The following KCNN2 variants were observed in gnomAD, a reference collection of about 807,000 sequenced individuals.
The protein encoded by KCNN2 is small conductance calcium-activated potassium channel protein 2.
A neutral mutation model predicts 55.5 loss-of-function variants in KCNN2; 24 were observed. That is an observed-to-expected ratio of 0.43 (90% CI 0.31 to 0.61). KCNN2 has a LOEUF of 0.61. Among genes scored for constraint, KCNN2 ranks in the 20% least tolerant of loss-of-function variants. The pLI, the probability that KCNN2 is intolerant of heterozygous loss-of-function variation, is 0.08. For synonymous variants in KCNN2, 431 were observed against 336.1 expected, an observed-to-expected ratio of 1.28 and a Z score of -3.09; for missense variants, 754 against 853.6, an observed-to-expected ratio of 0.88 and a Z score of 1.45.
chr5:114,072,542 A>G (rs959783701), intron 1 of KCNN2, among the ~76,000 whole-genome samples: 1 of 152,190 alleles, frequency 6.6e-6, no homozygotes, highest in Non-Finnish European at 1.5e-5. Flanking sequence ...ATTACTTTTA[A>G]TGCTCTTGAA....
At chr5:114,297,930 G>A (rs1384585954) in intron 2 of KCNN2, among the ~76,000 whole-genome samples, 2 of 151,972 alleles carry the variant, frequency 1.3e-5, no homozygotes, top group Admixed American at 6.6e-5. Flanking sequence ...TTCCTTATAC[G>A]TGAAATGGAA....
At chr5:114,167,510 T>G (rs903294402) in intron 1 of KCNN2, among the ~76,000 whole-genome samples, 4 of 152,126 alleles carry the variant, frequency 2.6e-5, no homozygotes, top group Non-Finnish European at 5.9e-5. Flanking sequence ...ATTCTGTTCT[T>G]CTTTTTGTCT....
At chr5:114,435,855 G>A (rs1759985901) in intron 3 of KCNN2, among the ~76,000 whole-genome samples, 2 of 152,102 alleles carry the variant, frequency 1.3e-5, no homozygotes, top group African/African-American at 4.8e-5. Flanking sequence ...ACTATATTTT[G>A]GGTTATCTTC....
At chr5:114,178,255 TAATA>T (rs1487200584) in intron 1 of KCNN2, among the ~76,000 whole-genome samples, 2 of 152,188 alleles carry the variant, frequency 1.3e-5, no homozygotes, top group East Asian at 3.8e-4. Context: ...TTAAAAAATA[TAATA>T]AATAAATGGA....
intron 2 of KCNN2, among the ~76,000 whole-genome samples, chr5:114,242,016 C>T (rs1297416762): frequency 6.6e-6 from 1 of 151,216 alleles, no homozygotes; most frequent in African/African-American, 2.4e-5. Context: ...TCAGTGTGTT[C>T]TTGTGCCTGT....
At chr5:114,062,228 T>TA (rs1334727060) in intron 1 of KCNN2, among the ~76,000 whole-genome samples, 3 of 152,192 alleles carry the variant, frequency 2.0e-5, no homozygotes, top group Non-Finnish European at 4.4e-5. Context: ...TCTGTGTTTT[T>TA]ATCTTTGTGT....
chr5:114,494,748 TAAATGAA>T (rs936932423), intron 7 of KCNN2, among the ~76,000 whole-genome samples: 1 of 152,160 alleles, frequency 6.6e-6, no homozygotes, highest in Non-Finnish European at 1.5e-5. Flanking sequence ...AGTATTTTCT[TAAATGAA>T]TGGATGCTGT....
At chr5:114,183,382 T>G (rs1382046777) in intron 1 of KCNN2, among the ~76,000 whole-genome samples, 1 of 152,054 alleles carries the variant, frequency 6.6e-6, no homozygotes, top group Non-Finnish European at 1.5e-5. Flanking sequence ...TGTTTGGAAA[T>G]TTTTCCCACT....
intron 3 of KCNN2, among the ~76,000 whole-genome samples, chr5:114,426,307 A>G (rs371520246): frequency 2.6e-5 from 4 of 152,344 alleles, no homozygotes; most frequent in Admixed American, 2.6e-4. Flanking sequence ...TGTTTTTCAG[A>G]TGTTAATCCA....
chr5:114,219,098 G>T (rs1039802513), intron 1 of KCNN2, among the ~76,000 whole-genome samples: 6 of 152,216 alleles, frequency 3.9e-5, no homozygotes, highest in Non-Finnish European at 8.8e-5. Flanking sequence ...CTGCTTTTGG[G>T]CACCAGCGGG....
chr5:114,264,116 A>T (rs1326555218), intron 2 of KCNN2, among the ~76,000 whole-genome samples: 1 of 152,228 alleles, frequency 6.6e-6, no homozygotes. Context: ...AGATGGCTTA[A>T]TGATCAATTC....
intron 2 of KCNN2, among the ~76,000 whole-genome samples, chr5:114,335,511 T>C (rs1048658115): frequency 2.0e-5 from 3 of 152,202 alleles, no homozygotes; most frequent in Admixed American, 1.3e-4. Flanking sequence ...CTTTCTTGCA[T>C]CGTTTCTGTT....
intron 1 of KCNN2, among the ~76,000 whole-genome samples, chr5:114,215,630 C>G (rs1273173950): frequency 6.6e-6 from 1 of 152,126 alleles, no homozygotes; most frequent in Non-Finnish European, 1.5e-5. Flanking sequence ...TTGAGCCACT[C>G]TCTGCACATC....
At chr5:114,216,589 C>G (rs759653126) in intron 1 of KCNN2, among the ~76,000 whole-genome samples, 10 of 152,098 alleles carry the variant, frequency 6.6e-5, no homozygotes, top group Admixed American at 4.6e-4. Flanking sequence ...TTGATAAAAT[C>G]CAATATAAAC....
intron 3 of KCNN2, among the ~76,000 whole-genome samples, chr5:114,439,040 AAAT>A (rs1760115474): frequency 6.6e-6 from 1 of 152,198 alleles, no homozygotes; most frequent in African/African-American, 2.4e-5. Flanking sequence ...TTCAAAGGAA[AAAT>A]GTACAGTACA....
intron 2 of KCNN2, among the ~76,000 whole-genome samples, chr5:114,255,209 G>A (rs1043181534): frequency 1.3e-5 from 2 of 152,118 alleles, no homozygotes; most frequent in Admixed American, 6.6e-5. Context: ...TTTATCACCC[G>A]AGACAGAGAG....
chr5:114,145,655 C>G (rs1409222020), intron 1 of KCNN2, among the ~76,000 whole-genome samples: 1 of 151,648 alleles, frequency 6.6e-6, no homozygotes, highest in Non-Finnish European at 1.5e-5. Context: ...CAACGATCAT[C>G]TACAGAACCA....
At position 114,237,348 on chromosome 5, in the gene KCNN2, A is replaced by G. The variant is rs920056064; in HGVS notation, c.-185+15783A>G. 2.7e-5 allele frequency among the ~76,000 whole-genome samples: 4 copies of G among 150,906 alleles called. No individual in the cohort carries two copies. In the South Asian group the frequency reaches 6.3e-4, roughly 24 times the overall value. On this transcript the variant is annotated intron_variant, in intron 2 of 10. Transcript: ENST00000512097. ...AAAAAATGCCCTGGTTTTGCTTTCT[A>G]TGTGTGAAAAAGAACCTACCTAGGC...
intron 1 of KCNN2, among the ~76,000 whole-genome samples, chr5:114,211,174 C>A (rs962008616): frequency 3.3e-5 from 5 of 152,012 alleles, no homozygotes; most frequent in African/African-American, 1.2e-4. Flanking sequence ...GAGATAAAAA[C>A]AGAAATACCA....
Sources: allele counts gnomAD v4.1 joint callset (sites outside exome capture counted in the v4.1 genomes callset), GRCh38; gene constraint gnomAD v4.1.1; transcripts MANE v1.5; gene names NCBI Gene and HGNC (gene_info 2026-07-23, HGNC 2026-07-21).